The following FAM149A variants were observed in gnomAD, a reference collection of about 807,000 sequenced individuals.
FAM149A encodes the protein family with sequence similarity 149 member A.
In FAM149A, 71 loss-of-function variants were observed where a neutral mutation model predicts 78.2. The ratio of observed to expected loss-of-function variants is 0.91; its 90% CI spans 0.75 to 1.11. The LOEUF (loss-of-function observed/expected upper bound fraction) is 1.11. FAM149A is among the 50% of genes least tolerant of loss of function. The probability of loss-of-function intolerance (pLI) is 0.00; values close to 1 mark genes in which losing one functional copy is unlikely to be tolerated. For missense variants in FAM149A, 1,036 were observed against 971.0 expected, an observed-to-expected ratio of 1.07 and a Z score of -0.89; for synonymous variants, 446 against 410.5, an observed-to-expected ratio of 1.09 and a Z score of -1.04.
chr4:186,109,914 C>T, intron 1 of FAM149A: 1 of 985,328 alleles, frequency 1.0e-6, no homozygotes, highest in South Asian at 4.7e-5. Context: ...GTTTAATTAA[C>T]ATTACCACTG....
chr4:186,135,848 T>C (rs575916516), intron 1 of FAM149A, among the ~76,000 whole-genome samples: 1 of 152,282 alleles, frequency 6.6e-6, no homozygotes, highest in Admixed American at 6.5e-5. Flanking sequence ...GCGTGAGAGC[T>C]GAAACAAGGC....
At chr4:186,152,539 CT>C (rs10718602) in intron 4 of FAM149A, among the ~76,000 whole-genome samples, 12,717 of 87,414 alleles carry the variant, frequency 0.15, 290 homozygotes, top group African/African-American at 0.24. Context: ...TTTCTTTTTG[CT>C]TTTTTTTTTT....
rs185200287 is a variant in FAM149A, at chr4:186,174,570, G to C, written c.*2583G>C. On this transcript the variant is annotated 3_prime_UTR_variant, in exon 14 of 14. Coordinates refer to ENST00000389354, the MANE Select transcript of FAM149A (RefSeq NM_001367768.3). ...TTACCTTGTTTGGCTCCAGAGGTTT[G>C]CAAATAAGAATCTATTATTTATATA... 3.9e-3 allele frequency among the ~76,000 whole-genome samples: 434 copies of C among 110,772 alleles called. 116 individuals are homozygous for C. The highest frequency in any genetic ancestry group is 0.034 in the Admixed American group (383 of 11,258). 72.7% of individuals were successfully genotyped at this position (110,772 alleles called of 152,430 possible).
intron 1 of FAM149A, chr4:186,127,346 C>G (rs2099318760): frequency 1.0e-6 from 1 of 985,240 alleles, no homozygotes; most frequent in Non-Finnish European, 1.2e-6. Context: ...CAGTAAACAT[C>G]CTTCCAGTCT....
intron 1 of FAM149A, among the ~76,000 whole-genome samples, chr4:186,143,518 T>C (rs1164885738): frequency 6.6e-6 from 1 of 152,138 alleles, no homozygotes; most frequent in African/African-American, 2.4e-5. Flanking sequence ...GATTCCAGTG[T>C]TCTTAGTTCA....
chr4:186,123,444 A>G, intron 1 of FAM149A: 2 of 861,598 alleles, frequency 2.3e-6, no homozygotes, highest in East Asian at 2.4e-4. Context: ...CTGGATATGC[A>G]GAAATGCAAG....
chr4:186,117,629 T>C (rs1389153084), intron 1 of FAM149A: 1 of 985,256 alleles, frequency 1.0e-6, no homozygotes, highest in African/African-American at 1.7e-5. Context: ...AGGCTTTCCA[T>C]TTGTTAGGAG....
intron 3 of FAM149A, among the ~76,000 whole-genome samples, chr4:186,150,540 C>T (rs1450403681): frequency 1.5e-5 from 2 of 135,420 alleles, no homozygotes; most frequent in African/African-American, 2.7e-5. Context: ...CTGCCTCAGC[C>T]TCCCGAGTAG....
chr4:186,162,358 T>C (rs543685571), intron 8 of FAM149A, among the ~76,000 whole-genome samples: 24 of 152,304 alleles, frequency 1.6e-4, no homozygotes, highest in African/African-American at 5.3e-4. Flanking sequence ...GGAGCCATGA[T>C]GCCCGGCCTG....
intron 1 of FAM149A, among the ~76,000 whole-genome samples, chr4:186,140,614 A>C (rs2099325408): frequency 6.6e-6 from 1 of 152,160 alleles, no homozygotes; most frequent in Admixed American, 6.6e-5. Context: ...AAACTAGGCT[A>C]AGGGAGATCC....
At chr4:186,127,115 C>G in intron 1 of FAM149A, 1 of 985,322 alleles carries the variant, frequency 1.0e-6, no homozygotes, top group Non-Finnish European at 1.2e-6. Context: ...TCCTGCCAGG[C>G]AGAAGGTGCT....
At chr4:186,140,704 CACTT>C (rs1446590732) in intron 1 of FAM149A, among the ~76,000 whole-genome samples, 1 of 152,162 alleles carries the variant, frequency 6.6e-6, no homozygotes, top group East Asian at 1.9e-4. Context: ...AAATGTAAAA[CACTT>C]AAACAATAAG....
chr4:186,126,015 A>G (rs1343380158), intron 1 of FAM149A: 2 of 985,348 alleles, frequency 2.0e-6, no homozygotes, highest in East Asian at 1.1e-4. Context: ...AGAGCCTGCC[A>G]TCTCCTTCCT....
At chr4:186,130,314 T>TATATATATATATATATGTAA (rs141900902) in intron 1 of FAM149A, among the ~76,000 whole-genome samples, 2 of 116,456 alleles carry the variant, frequency 1.7e-5, no homozygotes, top group African/African-American at 7.0e-5. Flanking sequence ...TATATATATA[T>TATATATATATATATATGTAA]AATCTATATC....
At chr4:186,154,668 C>A (rs1276606060) in intron 6 of FAM149A, 30 bp downstream of exon 6, 3 of 1,578,242 alleles carry the variant, frequency 1.9e-6, no homozygotes, top group Non-Finnish European at 2.6e-6. Flanking sequence ...ACATTGACCT[C>A]ATAAAATAAT....
Position 186,151,965 on chromosome 4 carries a change from A to G in FAM149A, c.852A>G (p.Leu284=). The G allele has an allele frequency of 1.9e-6, 3 of 1,614,160 alleles. No homozygotes were observed. The highest frequency in any genetic ancestry group is 2.5e-6 in the Non-Finnish European group (3 of 1,180,022). Residue 284 remains leucine (L), a synonymous_variant, in exon 4 of 14, where the codon TTA becomes TTG. Coordinates refer to ENST00000389354, the MANE Select transcript of FAM149A (RefSeq NM_001367768.3). ...TACTCTGGGAGGTGGAGGAAATGTT[A>G]TTTGAAGGGAAAGTGAACCCTCAGA...
intron 1 of FAM149A, chr4:186,145,152 T>G: frequency 9.1e-6 from 9 of 985,380 alleles, no homozygotes; most frequent in Non-Finnish European, 1.1e-5. Context: ...TTCTGGCCGC[T>G]CTGCAGGCGA....
At chr4:186,156,700 C>A (rs73027956) in intron 7 of FAM149A, among the ~76,000 whole-genome samples, 7,076 of 152,114 alleles carry the variant, frequency 0.047, 201 homozygotes, top group Middle Eastern at 0.075. Flanking sequence ...GAATGCAGGG[C>A]AGGCATGGTG....
At chr4:186,126,976 G>A in intron 1 of FAM149A, 1 of 985,396 alleles carries the variant, frequency 1.0e-6, no homozygotes. Context: ...GAGGCTTATT[G>A]AAGACTGGAA....
Sources: allele counts gnomAD v4.1 joint callset (sites outside exome capture counted in the v4.1 genomes callset), GRCh38; gene constraint gnomAD v4.1.1; transcripts MANE v1.5; gene names NCBI Gene and HGNC (gene_info 2026-07-23, HGNC 2026-07-21).